The following FBXO31 variants were observed in gnomAD, a reference collection of about 807,000 sequenced individuals.
The protein encoded by FBXO31 is F-box only protein 31.
A neutral mutation model predicts 54.4 loss-of-function variants in FBXO31; 24 were observed. The ratio of observed to expected loss-of-function variants is 0.44; its 90% CI spans 0.32 to 0.62. The LOEUF is 0.62. Among genes scored for constraint, FBXO31 ranks in the 20% least tolerant of loss-of-function variants. FBXO31 has a pLI of 0.05. For synonymous variants in FBXO31, 388 were observed against 335.6 expected, an observed-to-expected ratio of 1.16 and a Z score of -1.71; for missense variants, 665 against 787.1, an observed-to-expected ratio of 0.84 and a Z score of 1.86.
chr16:87,340,332 A>G (rs556761084), intron 5 of FBXO31, among the ~76,000 whole-genome samples: 6 of 152,358 alleles, frequency 3.9e-5, no homozygotes, highest in African/African-American at 1.4e-4. Context: ...TGGTACTGAC[A>G]TGTGGACAGA....
At chr16:87,370,539 C>A (rs567077966) in intron 1 of FBXO31, among the ~76,000 whole-genome samples, 33 of 152,280 alleles carry the variant, frequency 2.2e-4, no homozygotes, top group African/African-American at 7.5e-4. Flanking sequence ...GCTGCGCCAG[C>A]CACCGGGCCG....
chr16:87,348,699 A>G (rs765086940), intron 2 of FBXO31, among the ~76,000 whole-genome samples: 1 of 152,144 alleles, frequency 6.6e-6, no homozygotes, highest in Non-Finnish European at 1.5e-5. Context: ...AGGGCCCCTA[A>G]CGGTGGGACA....
chr16:87,334,132 C>G lies in FBXO31; in HGVS notation c.1151G>C (p.Gly384Ala). Residue 384 changes from glycine to alanine, a missense_variant, in exon 8 of 9, where the codon GGC becomes GCC. Physicochemically the swap from Gly to Ala is moderately conservative, Grantham distance 60. This residue lies in a region of FBXO31 where 165 missense variants were observed against 159.7 expected (regional missense o/e 1.03). Transcript: ENST00000311635. ...RERVRQEQQEGGHEAGEGRGR... is the reference protein window; with the variant it reads ...RERVRQEQQEAGHEAGEGRGR... Reference sequence around the variant, plus strand: ...ACGACCCTCGCCCGCCTCGTGCCCGCCTTCCTGCTGCTCCTGGCGCACCCT... The same window carrying G: ...ACGACCCTCGCCCGCCTCGTGCCCGGCTTCCTGCTGCTCCTGGCGCACCCT... The G allele has an allele frequency of 5.6e-6, 9 of 1,611,842 alleles. No homozygotes were observed. The highest frequency in any genetic ancestry group is 6.8e-6 in the Non-Finnish European group (8 of 1,179,210).
chr16:87,330,866 T>G lies in FBXO31; in HGVS notation c.*422A>C. ...GTTGCCTGGCTTCCCCCAAAAGGAG[T>G]GGGGTGGAGCACATGCGTCTCACAC... On this transcript the variant is annotated 3_prime_UTR_variant, in exon 9 of 9. Transcript: ENST00000311635. 1.1e-5 allele frequency: 2 copies of G among 178,302 alleles called. No individual in the cohort carries two copies. Among genetic ancestry groups the G allele is most frequent in the Non-Finnish European group, 2.4e-5 (2 of 84,048 alleles). The allele number at this position is 178,302 out of a possible 1,614,324, so 11.0% of individuals were successfully genotyped here. A position where few individuals can be genotyped will look rare whatever the true frequency, so the allele number is the denominator to read the frequency against.
At chr16:87,362,957 T>A (rs1336741975) in intron 1 of FBXO31, among the ~76,000 whole-genome samples, 1 of 152,126 alleles carries the variant, frequency 6.6e-6, no homozygotes, top group African/African-American at 2.4e-5. Context: ...AGGACCTTTG[T>A]CCTCCCTTCA....
At position 87,338,353 on chromosome 16, in the gene FBXO31, G is replaced by A. The variant is rs889138369; in HGVS notation, c.733-2089C>T. The stretch of plus-strand genomic sequence containing the variant: ...GACCCTCGTGGCAGCGCCGGCAGAG[G>A]GGGCTGAGGGTGACAAGGATGCCTG... On this transcript the variant is annotated intron_variant, in intron 5 of 8. Transcript: ENST00000311635. This position sits in a 1 kb window ranked among gnomAD's most constrained non-coding sequence, Gnocchi z 4.3. Among the ~76,000 whole-genome samples the A allele has an allele frequency of 6.6e-6, 1 of 152,284 alleles. No homozygotes were observed. Among genetic ancestry groups the A allele is most frequent in the African/African-American group, 2.4e-5 (1 of 41,570 alleles).
intron 2 of FBXO31, among the ~76,000 whole-genome samples, chr16:87,351,230 T>C (rs760818807): frequency 2.6e-5 from 4 of 152,210 alleles, no homozygotes; most frequent in Non-Finnish European, 1.5e-5. Context: ...GATGAATCCA[T>C]GGATTTCAAT....
At chr16:87,387,657 A>C (rs1907369949), upstream of FBXO31, among the ~76,000 whole-genome samples, 1 of 152,238 alleles carries the variant, frequency 6.6e-6, no homozygotes, top group Non-Finnish European at 1.5e-5. Flanking sequence ...AGTACAAAAA[A>C]TTAGCTGGGC....
chr16:87,343,009 T>A (rs1905240124), intron 4 of FBXO31, 58 bp from the exon 5 acceptor site: 1 of 1,472,820 alleles, frequency 6.8e-7, no homozygotes. Flanking sequence ...CATCACAGCA[T>A]CCCCCACCCC....
At chr16:87,382,898 A>G (rs536242631) in intron 1 of FBXO31, among the ~76,000 whole-genome samples, 1 of 152,202 alleles carries the variant, frequency 6.6e-6, no homozygotes, top group East Asian at 1.9e-4. Context: ...GGCCTCCCTA[A>G]GTGCTGAGAT....
At chr16:87,360,772 T>G (rs763451200) in intron 1 of FBXO31, among the ~76,000 whole-genome samples, 1 of 152,176 alleles carries the variant, frequency 6.6e-6, no homozygotes, top group Non-Finnish European at 1.5e-5. Flanking sequence ...CAGAGGCCAG[T>G]CCACCCCATG....
intron 1 of FBXO31, among the ~76,000 whole-genome samples, chr16:87,382,423 A>G (rs1407918973): frequency 1.3e-5 from 2 of 152,200 alleles, no homozygotes; most frequent in African/African-American, 4.8e-5. Flanking sequence ...TTTTACCTAA[A>G]TATGAGCTGC....
At chr16:87,361,388 G>A (rs1427682851) in intron 1 of FBXO31, among the ~76,000 whole-genome samples, 1 of 152,232 alleles carries the variant, frequency 6.6e-6, no homozygotes, top group East Asian at 1.9e-4. Flanking sequence ...TGTGGCAGGG[G>A]CACAACACAG....
At chr16:87,355,661 C>T (rs1016596383) in intron 2 of FBXO31, among the ~76,000 whole-genome samples, 1 of 152,176 alleles carries the variant, frequency 6.6e-6, no homozygotes, top group Admixed American at 6.5e-5. Flanking sequence ...TCAATCAAAA[C>T]CCACATATGA....
intron 1 of FBXO31, among the ~76,000 whole-genome samples, chr16:87,379,909 G>A (rs1363062480): frequency 6.7e-6 from 1 of 149,264 alleles, no homozygotes; most frequent in Admixed American, 6.8e-5. Context: ...TAAAAAGACA[G>A]AACTAAAATG....
chr16:87,364,098 T>C (rs541446592), intron 1 of FBXO31, among the ~76,000 whole-genome samples: 2 of 152,306 alleles, frequency 1.3e-5, no homozygotes, highest in South Asian at 2.1e-4. Flanking sequence ...TTTGGTTATG[T>C]TGATACAACA....
At chr16:87,365,371 C>T (rs1906322376) in intron 1 of FBXO31, among the ~76,000 whole-genome samples, 1 of 152,134 alleles carries the variant, frequency 6.6e-6, no homozygotes, top group Non-Finnish European at 1.5e-5. Context: ...AACGATTCTA[C>T]ACACAATTGT....
rs1905047685 is a variant in FBXO31, at chr16:87,336,405, G to A, written c.733-141C>T. On this transcript the variant is annotated intron_variant, in intron 5 of 8. Transcript: ENST00000311635. This position sits in a 1 kb window ranked among gnomAD's most constrained non-coding sequence, Gnocchi z 6.5. ...CAGGGCCCTCTTGGTGGGGGAGGAT[G>A]GACTTGGCGCTGGGAAGAGAAAGGG... is the stretch of plus-strand genomic sequence containing the variant. The A allele has an allele frequency of 4.3e-6, 3 of 696,314 alleles. No individual in the cohort carries two copies. Among genetic ancestry groups the A allele is most frequent in the Non-Finnish European group, 7.4e-6 (3 of 406,044 alleles). The allele number at this position is 696,314 out of a possible 1,614,324, so 43.1% of individuals were successfully genotyped here.
intron 1 of FBXO31, among the ~76,000 whole-genome samples, chr16:87,368,991 G>A (rs187715564): frequency 4.3e-4 from 66 of 152,124 alleles, no homozygotes; most frequent in East Asian, 5.8e-4. Context: ...TAGTAGTGAC[G>A]GGGTTTCGCC....
Sources: gnomAD v4.1 joint callset for allele counts (sites outside exome capture counted in the v4.1 genomes callset) on GRCh38, gnomAD v4.1.1 for gene constraint, gnomAD v4.1.1 regional missense constraint, Gnocchi (gnomAD v3.1) non-coding constraint, MANE v1.5 for transcripts, NCBI Gene and HGNC (gene_info 2026-07-23, HGNC 2026-07-21) for gene names.